Variants in DIXDC1 observed in about 807,000 individuals in gnomAD.
DIXDC1 encodes the protein dixin.
A neutral mutation model predicts 103.1 loss-of-function variants in DIXDC1; 64 were observed. The observed-to-expected ratio is 0.62, with a 90% CI of 0.51 to 0.76. DIXDC1 has a LOEUF of 0.76. DIXDC1 is among the 30% of genes least tolerant of loss of function. DIXDC1 has a pLI of 0.00. For synonymous variants in DIXDC1, 266 were observed against 298.5 expected (o/e 0.89, Z 1.12); for missense variants, 759 against 834.2 (o/e 0.91, Z 1.11).
chr11:111,939,281 CG>C (rs1450833596), intron 1 of DIXDC1, among the ~76,000 whole-genome samples: 1 of 152,156 alleles, frequency 6.6e-6, no homozygotes, highest in Non-Finnish European at 1.5e-5. Flanking sequence ...GAGGCTTGGC[CG>C]TGTGTTTCAT....
Position 111,996,077 on chromosome 11 carries a change from C to T in DIXDC1, c.1690-3C>T, listed in dbSNP as rs1555175369. 2 of 1,613,450 alleles carry T rather than the reference C, an allele frequency of 1.2e-6. No individual in the cohort carries two copies. The highest frequency in any genetic ancestry group is 1.7e-6 in the Non-Finnish European group (2 of 1,179,724). On this transcript the variant is annotated splice_region_variant and splice_polypyrimidine_tract_variant and intron_variant, in intron 16 of 19. Transcript: ENST00000440460. Reference sequence around the variant, plus strand: ...CTCTTGTGATTTTTGTGTGGCTCCCCAGGTTCGGGTCAAGTCACCCAGAAC... The same window carrying T: ...CTCTTGTGATTTTTGTGTGGCTCCCTAGGTTCGGGTCAAGTCACCCAGAAC...
upstream of DIXDC1, among the ~76,000 whole-genome samples, chr11:111,936,845 A>AGTGTGTGTGTGTGTGT (rs57332873): frequency 7.1e-6 from 1 of 140,852 alleles, no homozygotes; most frequent in African/African-American, 2.6e-5. Context: ...TTAAGTTAGC[A>AGTGTGTGTGTGTGTGT]GTGTGTGTGT....
rs1555178098 is a variant in DIXDC1 at position 112,018,962 on chromosome 11, C to T, written c.1978C>T (p.His660Tyr). 8.7e-6 allele frequency: 14 copies of T among 1,611,146 alleles called. No individual in the cohort carries two copies. The highest frequency in any genetic ancestry group is 1.2e-5 in the Non-Finnish European group (14 of 1,178,176). ...EFGTVKEEIF[H>Y]DDDAIPGWEG... ...TTTTTGTTTTTTTCTCTAGATTTTC[C>T]ATGATGATGATGCCATCCCTGGATG... The change falls in exon 20 of 20, where the codon CAT becomes TAT. Residue 660 changes from histidine to tyrosine, a missense_variant. Transcript: ENST00000440460.
chr11:112,015,796 TGTC>T (rs1861569831), intron 17 of DIXDC1, among the ~76,000 whole-genome samples: 2 of 111,032 alleles, frequency 1.8e-5, no homozygotes, highest in Non-Finnish European at 3.6e-5. Flanking sequence ...AGCGAGACCC[TGTC>T]TTTTTTTTTT....
At chr11:111,997,162 A>G (rs947628243) in intron 17 of DIXDC1, among the ~76,000 whole-genome samples, 1 of 152,246 alleles carries the variant, frequency 6.6e-6, no homozygotes, top group Non-Finnish European at 1.5e-5. Context: ...TGTATGTTAC[A>G]TATAAATTTT....
At chr11:111,950,438 ATTTTTTTTTTTTTTTTTTTT>A (rs59473485) in intron 1 of DIXDC1, among the ~76,000 whole-genome samples, 11 of 15,160 alleles carry the variant, frequency 7.3e-4, no homozygotes, top group African/African-American at 2.5e-3. Context: ...ATATATATAT[ATTTTTTTTTTTTTTTTTTTT>A]TTTTTTTTTT....
intron 17 of DIXDC1, among the ~76,000 whole-genome samples, chr11:112,013,031 C>T (rs1483491595): frequency 2.0e-5 from 3 of 152,104 alleles, no homozygotes; most frequent in South Asian, 2.1e-4. Context: ...TCTTAAACGA[C>T]GTAAATTAAT....
At chr11:111,964,397 A>G (rs1859662073) in intron 1 of DIXDC1, among the ~76,000 whole-genome samples, 152 bp from the exon 2 acceptor site, 1 of 152,208 alleles carries the variant, frequency 6.6e-6, no homozygotes, top group Non-Finnish European at 1.5e-5. Context: ...ACCATGATAT[A>G]ATCTTTCTTC....
At chr11:111,981,289 G>A (rs782412751) in intron 6 of DIXDC1, among the ~76,000 whole-genome samples, 5 of 152,194 alleles carry the variant, frequency 3.3e-5, no homozygotes, top group Non-Finnish European at 7.3e-5. Context: ...TTGGTATGAA[G>A]CTACAGAAAG....
rs587648380 is a variant in DIXDC1, at chr11:111,995,142, C to T, written c.1527+34C>T. On this transcript the variant is annotated intron_variant, in intron 15 of 19. Coordinates refer to ENST00000440460, the MANE Select transcript of DIXDC1 (RefSeq NM_001037954.4). The stretch of plus-strand genomic sequence containing the variant: ...CTGGAGTTTTGATGGAGTCCTGCCA[C>T]TTCTCACTGAAACCAGAAGAGTGCC... 15 of 1,600,268 alleles carry T rather than the reference C, an allele frequency of 9.4e-6. 1 individual carries two copies. The highest frequency in any genetic ancestry group is 1.7e-4 in the Middle Eastern group (1 of 6,024).
At chr11:111,941,187 A>G (rs1304425312) in intron 1 of DIXDC1, among the ~76,000 whole-genome samples, 1 of 152,200 alleles carries the variant, frequency 6.6e-6, no homozygotes, top group East Asian at 1.9e-4. Flanking sequence ...AGGCTGAGGC[A>G]GGAGAATCGC....
chr11:111,961,327 T>C lies in DIXDC1; in HGVS notation c.61-3222T>C, dbSNP rs118187995. 6.9e-3 allele frequency among the ~76,000 whole-genome samples: 1,045 copies of C among 152,326 alleles called. 6 individuals are homozygous for C. Among genetic ancestry groups the C allele is most frequent in the Middle Eastern group, 0.051 (15 of 294 alleles). On this transcript the variant is annotated intron_variant, in intron 1 of 19. Transcript: ENST00000440460. The stretch of plus-strand genomic sequence containing the variant: ...TGCATTTATTTAGGCAGCAGTGTGG[T>C]AGAGTGGAAAGAGCATTGGCTTGGG...
intron 9 of DIXDC1, among the ~76,000 whole-genome samples, chr11:111,988,679 T>A (rs1464329924): frequency 2.6e-5 from 4 of 152,170 alleles, no homozygotes; most frequent in Non-Finnish European, 5.9e-5. Flanking sequence ...TTTAGATTAT[T>A]ATAATTAGGT....
chr11:112,013,750 T>G (rs1410204528), intron 17 of DIXDC1, among the ~76,000 whole-genome samples: 1 of 152,210 alleles, frequency 6.6e-6, no homozygotes, highest in Non-Finnish European at 1.5e-5. Flanking sequence ...TCAGATTGTT[T>G]TTATTGCCTC....
At chr11:111,946,157 G>A (rs1404031879) in intron 1 of DIXDC1, among the ~76,000 whole-genome samples, 2 of 148,926 alleles carry the variant, frequency 1.3e-5, no homozygotes, top group African/African-American at 5.0e-5. Flanking sequence ...CGCCTAGGCC[G>A]GACTGCAGTG....
At chr11:111,941,428 G>A (rs1304605686) in intron 1 of DIXDC1, among the ~76,000 whole-genome samples, 2 of 152,152 alleles carry the variant, frequency 1.3e-5, no homozygotes, top group Non-Finnish European at 2.9e-5. Flanking sequence ...TTGAACATAA[G>A]TTCTGGCAGA....
At chr11:111,965,265 T>C (rs1859691832) in intron 2 of DIXDC1, among the ~76,000 whole-genome samples, 1 of 152,202 alleles carries the variant, frequency 6.6e-6, no homozygotes, top group Non-Finnish European at 1.5e-5. Flanking sequence ...TTCCATAGCA[T>C]TTGTCCATAT....
intron 10 of DIXDC1, among the ~76,000 whole-genome samples, chr11:111,990,070 G>T (rs587616078): frequency 2.0e-5 from 3 of 148,086 alleles, no homozygotes; most frequent in South Asian, 4.3e-4. Context: ...GATTACAGGT[G>T]TGAGCCACCG....
Position 111,977,446 on chromosome 11 carries a change from G to T in DIXDC1, c.656+2463G>T. On this transcript the variant is annotated intron_variant, in intron 5 of 19. Coordinates refer to ENST00000440460, the MANE Select transcript of DIXDC1 (RefSeq NM_001037954.4). The surrounding 1 kb of genome is among the most constrained non-coding windows in gnomAD (Gnocchi z 6.1). ...ATGCCCGGCACCGTGCGTCCGCGGA[G>T]GCCAAGATGCAGCGGCCAGGGGCCG... 1 of 1,253,462 alleles carries T rather than the reference G, an allele frequency of 8.0e-7. No individual in the cohort carries two copies. The highest frequency in any genetic ancestry group is 1.8e-5 in the South Asian group (1 of 54,876). The allele number at this position is 1,253,462 out of a possible 1,614,324, so 77.6% of individuals were successfully genotyped here.
Sources: gnomAD v4.1 joint callset for allele counts (sites outside exome capture counted in the v4.1 genomes callset) on GRCh38, gnomAD v4.1.1 for gene constraint, Gnocchi (gnomAD v3.1) non-coding constraint, MANE v1.5 for transcripts, NCBI Gene and HGNC (gene_info 2026-07-23, HGNC 2026-07-21) for gene names.